GLB1L3: variants seen among roughly 807,000 people sequenced by gnomAD.
GLB1L3 encodes the protein galactosidase beta 1 like 3.
GLB1L3 carries 89 observed loss-of-function variants against 89.5 expected under a neutral mutation model. The ratio of observed to expected loss-of-function variants is 0.99; its 90% CI spans 0.84 to 1.19. The LOEUF (loss-of-function observed/expected upper bound fraction) is 1.19, where lower values mean the gene tolerates loss of function less well. Ranked by LOEUF, GLB1L3 falls within the 50% of genes most tolerant of loss-of-function variation. The pLI is 0.00. For synonymous variants in GLB1L3, 314 were observed against 312.3 expected, an observed-to-expected ratio of 1.01 and a Z score of -0.06; for missense variants, 812 against 813.3, an observed-to-expected ratio of 1.00 and a Z score of 0.02.
chr11:134,312,848 G>A lies in GLB1L3; in HGVS notation c.1461G>A (p.Leu487=). Residue 487 remains leucine (L), a synonymous_variant, in exon 15 of 20, where the codon CTG becomes CTA. Coordinates refer to ENST00000431683, the MANE Select transcript of GLB1L3 (RefSeq NM_001080407.3). ...VFLDETMIGI[L]NENNKDLHIP... is the part of the protein sequence containing the mutation. ...TGGATGAGACAATGATAGGGATTCT[G>A]AATGAGAATAATAAGGACCTGCACA... is the stretch of plus-strand genomic sequence containing the variant. 1 of 1,612,410 alleles carries A rather than the reference G, an allele frequency of 6.2e-7. No homozygotes were observed. Among genetic ancestry groups the A allele is most frequent in the Non-Finnish European group, 8.5e-7 (1 of 1,179,116 alleles).
chr11:134,320,671 T>G (rs150585975), downstream of GLB1L3, among the ~76,000 whole-genome samples: 7 of 151,970 alleles, frequency 4.6e-5, no homozygotes, highest in African/African-American at 1.7e-4. Flanking sequence ...ATGCTTTCAG[T>G]GCACTTAGAG....
intron 17 of GLB1L3, 73 bp from the exon 18 acceptor site, chr11:134,314,257 C>A: frequency 9.5e-7 from 1 of 1,055,166 alleles, no homozygotes. Flanking sequence ...CGGCCCACGC[C>A]ACCTGGGGTG....
chr11:134,278,002 G>T (rs1209394717), intron 3 of GLB1L3, 90 bp downstream of exon 3: 1 of 1,259,988 alleles, frequency 7.9e-7, no homozygotes, highest in East Asian at 2.5e-5. Context: ...GGGGCCCAGC[G>T]TGAGGACTTA....
At chr11:134,289,940 C>T (rs1227760603) in intron 7 of GLB1L3, among the ~76,000 whole-genome samples, 3 of 152,334 alleles carry the variant, frequency 2.0e-5, no homozygotes, top group East Asian at 1.9e-4. Context: ...GTCCTGACTC[C>T]GCCCTTGCCT....
intron 9 of GLB1L3, among the ~76,000 whole-genome samples, chr11:134,300,381 A>G (rs543153): frequency 1.3e-4 from 19 of 146,908 alleles, no homozygotes; most frequent in Middle Eastern, 3.8e-3. Flanking sequence ...CGCCCAGGCT[A>G]GAGTGCAGTG....
intron 18 of GLB1L3, chr11:134,317,073 A>G (rs1389368503): frequency 6.6e-6 from 1 of 152,186 alleles, no homozygotes; most frequent in African/African-American, 2.4e-5. Context: ...TGCCGGGGGG[A>G]AACTTGATGA....
At chr11:134,322,716 A>G (rs1943182043), downstream of GLB1L3, among the ~76,000 whole-genome samples, 1 of 152,326 alleles carries the variant, frequency 6.6e-6, no homozygotes, top group East Asian at 1.9e-4. Context: ...TAACGTTTTC[A>G]AGCTTCATGG....
rs2136096354 is a variant in GLB1L3 at position 134,276,536 on chromosome 11, CG to C, written c.-202del. 4.9e-6 allele frequency: 2 copies of C among 408,658 alleles called. No homozygotes were observed. The highest frequency in any genetic ancestry group is 9.1e-5 in the Admixed American group (2 of 21,970). The allele number at this position is 408,658 out of a possible 1,614,324, so 25.3% of individuals were successfully genotyped here. On this transcript the variant is annotated 5_prime_UTR_variant, in exon 1 of 20. Coordinates refer to ENST00000431683, the MANE Select transcript of GLB1L3 (RefSeq NM_001080407.3). The stretch of plus-strand genomic sequence containing the variant: ...CGCCGGCGGAGCTCGGCTGTCCCCG[CG>C]GGAGGGAGCCCGACGCGCATCCTTG...
rs1444981132 is a variant in GLB1L3, at chr11:134,308,348, CATCACCACT to C, written c.961+1142_961+1150del. ...TCACCATCACCATCACCATCATCACCATCACCACTACCACCACCACCACCACCACCATCA... is the reference window on the plus strand; with the variant it reads ...TCACCATCACCATCACCATCATCACCACCACCACCACCACCACCACCATCA... On this transcript the variant is annotated intron_variant, in intron 10 of 19. Transcript: ENST00000431683. Among the ~76,000 whole-genome samples the C allele has an allele frequency of 2.6e-4, 12 of 45,842 alleles. 1 individual carries two copies. The highest frequency in any genetic ancestry group is 4.7e-4 in the Non-Finnish European group (10 of 21,454). The allele number at this position is 45,842 out of a possible 152,430, so 30.1% of individuals were successfully genotyped here. A position where few individuals can be genotyped will look rare whatever the true frequency, so the allele number is the denominator to read the frequency against.
Position 134,283,782 on chromosome 11 carries a change from G to A in GLB1L3, c.573G>A (p.Lys191=), listed in dbSNP as rs376729461. 1 of 1,613,056 alleles carries A rather than the reference G, an allele frequency of 6.2e-7. No homozygotes were observed. Among genetic ancestry groups the A allele is most frequent in the Non-Finnish European group, 8.5e-7 (1 of 1,179,610 alleles). The stretch of plus-strand genomic sequence containing the variant: ...GGTTACTGTTGAGGACAACCAACAA[G>A]AGCTTCATTGAAGCAGTTGAGAAGT... ...DPRLLLRTTN[K]SFIEAVEKYF... is the part of the protein sequence containing the mutation. Residue 191 remains lysine, a synonymous_variant, in exon 6 of 20, where the codon AAG becomes AAA. Transcript: ENST00000431683.
At chr11:134,277,201 C>T in intron 1 of GLB1L3, 125 bp from the exon 2 acceptor site, 3 of 1,246,874 alleles carry the variant, frequency 2.4e-6, no homozygotes, top group East Asian at 2.3e-5. Context: ...CTGGAAGACC[C>T]GCCTGTGTCG....
intron 9 of GLB1L3, among the ~76,000 whole-genome samples, chr11:134,304,141 C>T (rs1165435089): frequency 1.3e-5 from 2 of 152,160 alleles, no homozygotes; most frequent in Non-Finnish European, 2.9e-5. Context: ...TCTCACTCCT[C>T]TCATCCTGGA....
chr11:134,318,618 CCAT>C lies in GLB1L3; in HGVS notation c.1780-12_1780-10del. On this transcript the variant is annotated splice_polypyrimidine_tract_variant and intron_variant, in intron 18 of 19. Transcript: ENST00000431683. Reference sequence around the variant, plus strand: ...GAACCAATTTCCAAATCTCAAGCCACCATTCCTTTCAGAACTGGAATTATGGAT... The same window carrying C: ...GAACCAATTTCCAAATCTCAAGCCACTCCTTTCAGAACTGGAATTATGGAT... 2.6e-6 allele frequency: 4 copies of C among 1,534,900 alleles called. No homozygotes were observed. The highest frequency in any genetic ancestry group is 3.6e-6 in the Non-Finnish European group (4 of 1,111,596).
intron 3 of GLB1L3, among the ~76,000 whole-genome samples, chr11:134,280,927 G>T (rs1176791456): frequency 6.6e-6 from 1 of 152,076 alleles, no homozygotes; most frequent in Admixed American, 6.6e-5. Flanking sequence ...TCCCCTGGGG[G>T]CCCTTCTTGC....
chr11:134,277,390 G>C lies in GLB1L3; in HGVS notation c.88G>C (p.Ala30Pro), dbSNP rs780291464. 1.2e-6 allele frequency: 2 copies of C among 1,613,894 alleles called. No individual in the cohort carries two copies. The highest frequency in any genetic ancestry group is 1.7e-6 in the Non-Finnish European group (2 of 1,179,878). Residue 30 changes from alanine to proline, a missense_variant, in exon 2 of 20, where the codon GCT becomes CCT. This residue lies in a region of GLB1L3 where 191 missense variants were observed against 191.4 expected (regional missense o/e 1.00). Transcript: ENST00000431683. ...CCTGCCATTTATCTCATCAGGTTTT[G>C]CTCCTCGGTTTAAGCAGGAAGAGAA... ...FFLPFISSGF[A>P]PRFKQEENFM...
At chr11:134,314,067 C>T (rs376764993) in intron 17 of GLB1L3, 39 bp downstream of exon 17, 217 of 1,317,688 alleles carry the variant, frequency 1.6e-4, no homozygotes, top group Non-Finnish European at 2.1e-4. Context: ...CTTCAGTGAT[C>T]GGGGAACTCA....
At position 134,307,826 on chromosome 11, in the gene GLB1L3, T is replaced by G. The variant is rs527300864; in HGVS notation, c.961+618T>G. Among the ~76,000 whole-genome samples the G allele has an allele frequency of 2.6e-5, 4 of 152,204 alleles. No individual in the cohort carries two copies. The South Asian group carries it at 8.3e-4, about 32-fold the overall frequency. On this transcript the variant is annotated intron_variant, in intron 10 of 19. Coordinates refer to ENST00000431683, the MANE Select transcript of GLB1L3 (RefSeq NM_001080407.3). Reference sequence around the variant, plus strand: ...CGTGAGGATTATCATAAAACCAACCTCATGAGGCTGGTGTGAGGATCAAGT... The same window carrying G: ...CGTGAGGATTATCATAAAACCAACCGCATGAGGCTGGTGTGAGGATCAAGT...
At chr11:134,284,685 T>C (rs1940886020) in intron 6 of GLB1L3, among the ~76,000 whole-genome samples, 1 of 151,960 alleles carries the variant, frequency 6.6e-6, no homozygotes, top group Non-Finnish European at 1.5e-5. Context: ...GACAAGATCA[T>C]GCCGCCACAC....
intron 9 of GLB1L3, among the ~76,000 whole-genome samples, chr11:134,299,987 AG>A (rs1192650326): frequency 6.6e-6 from 1 of 152,184 alleles, no homozygotes; most frequent in East Asian, 1.9e-4. Context: ...TCCCTAGAGA[AG>A]ATGGGCTGGG....
Sources: gnomAD v4.1 joint callset for allele counts (sites outside exome capture counted in the v4.1 genomes callset) on GRCh38, gnomAD v4.1.1 for gene constraint, gnomAD v4.1.1 regional missense constraint, MANE v1.5 for transcripts, NCBI Gene and HGNC (gene_info 2026-07-23, HGNC 2026-07-21) for gene names.